CUBN: variants seen among roughly 807,000 people sequenced by gnomAD.
CUBN encodes the protein 460 kDa receptor.
Under a neutral mutation model 405.3 loss-of-function variants are expected in CUBN, and 282 were observed. The observed-to-expected ratio is 0.70, with a 90% CI of 0.63 to 0.77. The LOEUF is 0.77. CUBN is among the 30% of genes least tolerant of loss of function. CUBN has a pLI of 0.00. For synonymous variants in CUBN, 1,684 were observed against 1,617.0 expected (o/e 1.04, Z -0.99); for missense variants, 4,514 against 4,475.2 (o/e 1.01, Z -0.25).
chr10:16,901,865 T>A (rs1841380877), intron 51 of CUBN, among the ~76,000 whole-genome samples: 1 of 125,222 alleles, frequency 8.0e-6, no homozygotes, highest in South Asian at 2.7e-4. Context: ...AAAAAAACCA[T>A]ATTATATATA....
At chr10:17,096,752 A>G (rs1365431796) in intron 14 of CUBN, among the ~76,000 whole-genome samples, 5 of 152,118 alleles carry the variant, frequency 3.3e-5, no homozygotes. Flanking sequence ...TTTGGTCTAT[A>G]AAGTAAATCT....
At chr10:16,925,800 T>C (rs1226449695) in intron 41 of CUBN, 26 bp from the exon 42 acceptor site, 1 of 1,607,698 alleles carries the variant, frequency 6.2e-7, no homozygotes, top group East Asian at 2.2e-5. Flanking sequence ...CAAAGGTCGG[T>C]TATTTAAATA....
chr10:16,892,112 G>A (rs1481943506), intron 54 of CUBN, among the ~76,000 whole-genome samples: 17 of 152,176 alleles, frequency 1.1e-4, no homozygotes, highest in Admixed American at 1.1e-3. Flanking sequence ...TCCATAGCAA[G>A]AGATGTGAAA....
chr10:16,933,044 ATG>A (rs1491349144), intron 40 of CUBN, 41 bp downstream of exon 40: 1 of 1,582,870 alleles, frequency 6.3e-7, no homozygotes, highest in African/African-American at 1.3e-5. Context: ...AGAACTAATT[ATG>A]TGTCAGGGTT....
intron 27 of CUBN, among the ~76,000 whole-genome samples, chr10:17,030,989 TAGAG>T (rs1363737690): frequency 5.3e-5 from 8 of 152,156 alleles, no homozygotes; most frequent in Non-Finnish European, 8.8e-5. Context: ...TCTGTAATAA[TAGAG>T]AGTAACCAAA....
intron 25 of CUBN, among the ~76,000 whole-genome samples, 172 bp downstream of exon 25, chr10:17,044,835 C>G (rs1429571786): frequency 6.6e-6 from 1 of 152,012 alleles, no homozygotes; most frequent in Non-Finnish European, 1.5e-5. Flanking sequence ...TTGAGTACTT[C>G]GAAGATGGTC....
chr10:16,996,301 C>CT (rs1168195927), intron 28 of CUBN, among the ~76,000 whole-genome samples: 3 of 152,188 alleles, frequency 2.0e-5, no homozygotes, highest in Non-Finnish European at 4.4e-5. Context: ...AAGAGTTAAT[C>CT]TTTATAAAAG....
intron 54 of CUBN, among the ~76,000 whole-genome samples, chr10:16,894,748 T>C (rs1197771438): frequency 1.3e-5 from 2 of 152,212 alleles, no homozygotes; most frequent in Non-Finnish European, 2.9e-5. Context: ...TGGAGAAAAT[T>C]TGATAGGAAT....
rs1216992337 is a variant in CUBN, at chr10:17,129,726, T to C, written c.40A>G (p.Thr14Ala). ...TTTACTTCAGCAAATATTAATAAGG[T>C]AAGCAAACTCCAAAGAAAAGGTAAA... Reference protein sequence around the residue: ...MSLPFLWSLLTLLIFAEVNGE... With the variant: ...MSLPFLWSLLALLIFAEVNGE... Residue 14 changes from threonine to alanine, a missense_variant, in exon 1 of 67, where the codon ACC (threonine) becomes GCC (alanine). Thr to Ala is a moderately conservative substitution (Grantham distance 58, BLOSUM62 0). Transcript: ENST00000377833. The C allele has an allele frequency of 6.2e-7, 1 of 1,614,082 alleles. No individual in the cohort carries two copies. Among genetic ancestry groups the C allele is most frequent in the South Asian group, 1.1e-5 (1 of 91,088 alleles).
At chr10:17,076,617 C>G (rs748576495) in intron 17 of CUBN, among the ~76,000 whole-genome samples, 1 of 152,086 alleles carries the variant, frequency 6.6e-6, no homozygotes, top group African/African-American at 2.4e-5. Context: ...ACTTGCAATA[C>G]TGCCATACGG....
At chr10:16,970,673 T>C in intron 31 of CUBN, among the ~76,000 whole-genome samples, 1 of 152,176 alleles carries the variant, frequency 6.6e-6, no homozygotes, top group East Asian at 1.9e-4. Flanking sequence ...TGTACATAAC[T>C]GCAATTTTTA....
At chr10:16,859,050 A>G (rs79483594) in intron 59 of CUBN, among the ~76,000 whole-genome samples, 2 of 152,368 alleles carry the variant, frequency 1.3e-5, no homozygotes, top group Non-Finnish European at 2.9e-5. Context: ...AATCTCTGGG[A>G]CCTTGGGGTA....
At chr10:16,937,376 A>G (rs1425155665) in intron 39 of CUBN, among the ~76,000 whole-genome samples, 1 of 152,230 alleles carries the variant, frequency 6.6e-6, no homozygotes, top group African/African-American at 2.4e-5. Context: ...CCTAATTAAT[A>G]TAAAAAATAT....
intron 48 of CUBN, among the ~76,000 whole-genome samples, chr10:16,911,624 A>G (rs2131447813): frequency 6.6e-6 from 1 of 152,316 alleles, no homozygotes; most frequent in East Asian, 1.9e-4. Flanking sequence ...GAGATCTAAA[A>G]CTATGACTGT....
chr10:17,055,261 C>T (rs1835364905), intron 22 of CUBN, among the ~76,000 whole-genome samples: 1 of 152,086 alleles, frequency 6.6e-6, no homozygotes, highest in Non-Finnish European at 1.5e-5. Flanking sequence ...CAGAAGGGAA[C>T]TCCACAAACT....
chr10:16,843,489 T>C (rs1466045719), intron 60 of CUBN, among the ~76,000 whole-genome samples: 1 of 152,202 alleles, frequency 6.6e-6, no homozygotes, highest in African/African-American at 2.4e-5. Context: ...AACTTAAACA[T>C]GATTTTAGTT....
intron 59 of CUBN, among the ~76,000 whole-genome samples, chr10:16,869,153 C>T (rs1840273344): frequency 6.8e-6 from 1 of 147,608 alleles, no homozygotes; most frequent in Non-Finnish European, 1.5e-5. Flanking sequence ...CTCCACTGTG[C>T]TACCAAAGTG....
intron 27 of CUBN, among the ~76,000 whole-genome samples, chr10:17,030,474 C>A (rs1408746590): frequency 1.3e-5 from 2 of 152,150 alleles, no homozygotes; most frequent in African/African-American, 4.8e-5. Flanking sequence ...AAAATCCTAG[C>A]AGCTCTGTAA....
intron 31 of CUBN, among the ~76,000 whole-genome samples, chr10:16,978,938 C>T (rs1425644928): frequency 6.6e-6 from 1 of 152,062 alleles, no homozygotes; most frequent in East Asian, 1.9e-4. Flanking sequence ...TTTAGAAAAC[C>T]CCATCGTCGC....
Sources: gnomAD v4.1 joint callset for allele counts (sites outside exome capture counted in the v4.1 genomes callset) on GRCh38, gnomAD v4.1.1 for gene constraint, MANE v1.5 for transcripts, NCBI Gene and HGNC (gene_info 2026-07-23, HGNC 2026-07-21) for gene names.